POLE3: variants seen among roughly 807,000 people sequenced by gnomAD.
The protein encoded by POLE3 is DNA polymerase epsilon subunit 3.
In POLE3, 10 loss-of-function variants were observed where a neutral mutation model predicts 16.1. The ratio of observed to expected loss-of-function variants is 0.62; its 90% confidence interval spans 0.38 to 1.05. The LOEUF (loss-of-function observed/expected upper bound fraction) is 1.05, where lower values mean the gene tolerates loss of function less well. Among genes scored for constraint, POLE3 ranks in the 50% least tolerant of loss-of-function variants. The pLI, the probability that POLE3 is intolerant of heterozygous loss-of-function variation, is 0.01. For synonymous variants in POLE3, 83 were observed against 71.0 expected (o/e 1.17, Z -0.85); for missense variants, 169 against 185.0 (o/e 0.91, Z 0.50).
Position 113,407,272 on chromosome 9 carries a change from ATCT to A in POLE3, c.*1536_*1538del, listed in dbSNP as rs1370015504. On this transcript the variant is annotated 3_prime_UTR_variant, in exon 5 of 5. Transcript: ENST00000374171. ...ACTTTTATTTGTACAAAGCATTACA[ATCT>A]TCTCAGCATTCTTCACTCACAAACT... 6.6e-6 allele frequency: 1 copy of A among 152,362 alleles called. No individual in the cohort carries two copies. Among genetic ancestry groups the A allele is most frequent in the African/African-American group, 2.4e-5 (1 of 41,444 alleles). The allele number at this position is 152,362 out of a possible 1,614,324, so 9.4% of individuals were successfully genotyped here. A position where few individuals can be genotyped will look rare whatever the true frequency, so the allele number is the denominator to read the frequency against.
In POLE3 at chr9:113,410,100, G is replaced by A; in HGVS notation, c.107C>T (p.Ala36Val). 1 of 1,586,962 alleles carries A rather than the reference G, an allele frequency of 6.3e-7. No individual in the cohort carries two copies. Among genetic ancestry groups the A allele is most frequent in the Non-Finnish European group, 8.6e-7 (1 of 1,167,200 alleles). ...GAAGACGCTGGCGGCGCGGGAGATGGCGCTCCGGGCCTCCTTGGAGATGTT... is the reference window on the plus strand; with the variant it reads ...GAAGACGCTGGCGGCGCGGGAGATGACGCTCCGGGCCTCCTTGGAGATGTT... ...GVNISKEARS[A>V]ISRAASVFVL... Residue 36 changes from alanine to valine, a missense_variant, in exon 3 of 5, where the codon GCC becomes GTC. Coordinates refer to ENST00000374171, the MANE Select transcript of POLE3 (RefSeq NM_017443.5).
At position 113,410,364 on chromosome 9, in the gene POLE3, C is replaced by T; in HGVS notation, c.-71G>A. On this transcript the variant is annotated 5_prime_UTR_variant, in exon 2 of 5. Transcript: ENST00000374171. ...GCTACTGCGTCCGGACTTCCCGCGT[C>T]GCTACGGTCTGACCCTGCGAGGTTT... is the stretch of plus-strand genomic sequence containing the variant. The T allele has an allele frequency of 7.0e-7, 1 of 1,429,316 alleles. No homozygotes were observed. The highest frequency in any genetic ancestry group is 9.7e-7 in the Non-Finnish European group (1 of 1,031,830). The allele number at this position is 1,429,316 out of a possible 1,614,324, so 88.5% of individuals were successfully genotyped here. A position where few individuals can be genotyped will look rare whatever the true frequency, so the allele number is the denominator to read the frequency against.
At chr9:113,409,541 A>T in intron 4 of POLE3, 69 bp downstream of exon 4, 1 of 933,686 alleles carries the variant, frequency 1.1e-6, no homozygotes, top group East Asian at 2.4e-5. Context: ...GAGAAGGCTC[A>T]GGGCCTGGTG....
Position 113,409,626 on chromosome 9 carries a change from C to T in POLE3, c.255G>A (p.Leu85=). ...EMEFQRFVTP[L]KEALEAYRRE... is the part of the protein sequence containing the mutation. ...GCTCGTTACCTTCCAGAGCTTCTTT[C>T]AATGGGGTAACGAACCGCTGGAACT... The change falls in exon 4 of 5, where the codon TTG becomes TTA. Residue 85 remains leucine, a synonymous_variant. Transcript: ENST00000374171. The T allele has an allele frequency of 6.2e-7, 1 of 1,603,708 alleles. No individual in the cohort carries two copies. Among genetic ancestry groups the T allele is most frequent in the Non-Finnish European group, 8.5e-7 (1 of 1,170,632 alleles).
At position 113,410,508 on chromosome 9, in the gene POLE3, A is replaced by C. The variant is rs892318419; in HGVS notation, c.-115-100T>G. 42 of 603,762 alleles carry C rather than the reference A, an allele frequency of 7.0e-5. No homozygotes were observed. The Middle Eastern group carries it at 2.2e-3, about 31-fold the overall frequency. 37.4% of individuals were successfully genotyped at this position (603,762 alleles called of 1,614,324 possible). On this transcript the variant is annotated intron_variant, in intron 1 of 4. Transcript: ENST00000374171. The stretch of plus-strand genomic sequence containing the variant: ...CGGCGCATCCGGATTTTGAAGCCGC[A>C]GTGGTTTTGGCCCGCCAAGGCTTCC...
chr9:113,409,718 AGTT>A lies in POLE3; in HGVS notation c.160_162del (p.Asn54del). The A allele has an allele frequency of 6.2e-7, 1 of 1,606,820 alleles. No homozygotes were observed. Among genetic ancestry groups the A allele is most frequent in the Non-Finnish European group, 8.5e-7 (1 of 1,173,496 alleles). On this transcript the variant is annotated inframe_deletion, in exon 4 of 5. Coordinates refer to ENST00000374171, the MANE Select transcript of POLE3 (RefSeq NM_017443.5). ...GTCTTCCGCTTTCCTTTCATTGCAA[AGTT>A]GTTAGCACTGAGAGAAGAGAAAGGC...
At position 113,409,733 on chromosome 9, in the gene POLE3, G is replaced by A; in HGVS notation, c.153-5C>T. 1 of 1,570,808 alleles carries A rather than the reference G, an allele frequency of 6.4e-7. No homozygotes were observed. Among genetic ancestry groups the A allele is most frequent in the South Asian group, 1.1e-5 (1 of 90,226 alleles). ...TTCATTGCAAAGTTGTTAGCACTGA[G>A]AGAAGAGAAAGGCTGTCAGACTCCC... On this transcript the variant is annotated splice_polypyrimidine_tract_variant and splice_region_variant and intron_variant, in intron 3 of 4. Transcript: ENST00000374171.
In POLE3 at chr9:113,409,652, C is replaced by T; in HGVS notation, c.229G>A (p.Glu77Lys). The T allele has an allele frequency of 6.2e-7, 1 of 1,613,412 alleles. No homozygotes were observed. The highest frequency in any genetic ancestry group is 8.5e-7 in the Non-Finnish European group (1 of 1,179,372). ...SDVLSAMEEMEFQRFVTPLKE... is the reference protein window; with the variant it reads ...SDVLSAMEEMKFQRFVTPLKE... ...AATGGGGTAACGAACCGCTGGAACT[C>T]CATCTCTTCCATGGCTGAGAGCACA... The change falls in exon 4 of 5, where the codon GAG becomes AAG. Residue 77 changes from glutamate (E) to lysine (K), a missense_variant. Physicochemically the swap from Glu to Lys is moderately conservative, Grantham distance 56. Coordinates refer to ENST00000374171, the MANE Select transcript of POLE3 (RefSeq NM_017443.5).
At chr9:113,409,009 G>A (rs751039325) in intron 4 of POLE3, 26 bp from the exon 5 acceptor site, 12 of 1,608,160 alleles carry the variant, frequency 7.5e-6, no homozygotes, top group East Asian at 2.2e-5. Flanking sequence ...AAGGGGTTAG[G>A]AGACAGAGCT....
In POLE3 at chr9:113,408,776, G is replaced by C; in HGVS notation, c.*35C>G. 6.4e-7 allele frequency: 1 copy of C among 1,553,974 alleles called. No individual in the cohort carries two copies. The highest frequency in any genetic ancestry group is 8.9e-7 in the Non-Finnish European group (1 of 1,128,182). On this transcript the variant is annotated 3_prime_UTR_variant, in exon 5 of 5. Coordinates refer to ENST00000374171, the MANE Select transcript of POLE3 (RefSeq NM_017443.5). ...ACACGTAGCACGTCTCATTTCAAGT[G>C]GTACCTTCCAAGGTGCCACAGTCTC...
At position 113,410,262 on chromosome 9, in the gene POLE3, G is replaced by T; in HGVS notation, c.32C>A (p.Pro11His). The T allele has an allele frequency of 1.2e-6, 2 of 1,613,792 alleles. No homozygotes were observed. The highest frequency in any genetic ancestry group is 2.2e-5 in the South Asian group (2 of 91,044). ...GATGATCCTGGTGATCACGGCATTG[G>T]GCAGGTTTAGGTCCTCGGGCCTCTC... MAERPEDLNL[P>H]NAVITRIIKE... Residue 11 changes from proline to histidine, a missense_variant, in exon 2 of 5, where the codon CCC (proline) becomes CAC (histidine). Coordinates refer to ENST00000374171, the MANE Select transcript of POLE3 (RefSeq NM_017443.5).
At position 113,408,018 on chromosome 9, in the gene POLE3, G is replaced by A. The variant is rs1288526340; in HGVS notation, c.*793C>T. The A allele has an allele frequency of 6.5e-6, 1 of 152,704 alleles. No homozygotes were observed. Among genetic ancestry groups the A allele is most frequent in the African/African-American group, 2.4e-5 (1 of 41,464 alleles). 9.5% of individuals were successfully genotyped at this position (152,704 alleles called of 1,614,324 possible). Reference sequence around the variant, plus strand: ...GGAAGCCTGGGGTTTTACACCTTCCGGGAGGTGATGACAAATCCTAAAGCT... The same window carrying A: ...GGAAGCCTGGGGTTTTACACCTTCCAGGAGGTGATGACAAATCCTAAAGCT... On this transcript the variant is annotated 3_prime_UTR_variant, in exon 5 of 5. Coordinates refer to ENST00000374171, the MANE Select transcript of POLE3 (RefSeq NM_017443.5).
chr9:113,409,480 G>A, intron 4 of POLE3, 130 bp downstream of exon 4: 1 of 656,768 alleles, frequency 1.5e-6, no homozygotes. Context: ...CCACCGAACT[G>A]GGTCGAGTCA....
At position 113,408,616 on chromosome 9, in the gene POLE3, C is replaced by T; in HGVS notation, c.*195G>A. The stretch of plus-strand genomic sequence containing the variant: ...TAACCTTCAGATTGATGAAGCAAAA[C>T]AGGATTCTGCTACTCAGATGCTCTG... On this transcript the variant is annotated 3_prime_UTR_variant, in exon 5 of 5. Coordinates refer to ENST00000374171, the MANE Select transcript of POLE3 (RefSeq NM_017443.5). The T allele has an allele frequency of 4.0e-6, 2 of 502,142 alleles. No homozygotes were observed. 31.1% of individuals were successfully genotyped at this position (502,142 alleles called of 1,614,324 possible).
Position 113,408,780 on chromosome 9 carries a change from C to G in POLE3, c.*31G>C. The G allele has an allele frequency of 6.4e-7, 1 of 1,574,534 alleles. No individual in the cohort carries two copies. Among genetic ancestry groups the G allele is most frequent in the South Asian group, 1.1e-5 (1 of 89,546 alleles). ...GTAGCACGTCTCATTTCAAGTGGTA[C>G]CTTCCAAGGTGCCACAGTCTCCCGC... On this transcript the variant is annotated 3_prime_UTR_variant, in exon 5 of 5. Coordinates refer to ENST00000374171, the MANE Select transcript of POLE3 (RefSeq NM_017443.5).
intron 4 of POLE3, among the ~76,000 whole-genome samples, chr9:113,409,359 C>CAA (rs35481754): frequency 4.2e-4 from 38 of 89,430 alleles, no homozygotes; most frequent in Middle Eastern, 5.7e-3. Context: ...GACTCCGTCT[C>CAA]AAAAAAAAAA....
At position 113,410,273 on chromosome 9, in the gene POLE3, G is replaced by C; in HGVS notation, c.21C>G (p.Asp7Glu). 6.2e-7 allele frequency: 1 copy of C among 1,613,654 alleles called. No homozygotes were observed. Among genetic ancestry groups the C allele is most frequent in the Non-Finnish European group, 8.5e-7 (1 of 1,179,958 alleles). Residue 7 changes from aspartate to glutamate, a missense_variant, in exon 2 of 5, where the codon GAC (aspartate) becomes GAG (glutamate). By Grantham distance (45) the Asp-to-Glu change is conservative. Coordinates refer to ENST00000374171, the MANE Select transcript of POLE3 (RefSeq NM_017443.5). ...TGATCACGGCATTGGGCAGGTTTAGGTCCTCGGGCCTCTCCGCCATTGCCG... is the reference window on the plus strand; with the variant it reads ...TGATCACGGCATTGGGCAGGTTTAGCTCCTCGGGCCTCTCCGCCATTGCCG... Reference protein sequence around the residue: MAERPEDLNLPNAVITR... With the variant: MAERPEELNLPNAVITR...
intron 2 of POLE3, 31 bp downstream of exon 2, chr9:113,410,197 C>A (rs1402027379): frequency 1.2e-6 from 2 of 1,611,676 alleles, no homozygotes; most frequent in Non-Finnish European, 1.7e-6. Flanking sequence ...TTCCCTCCTG[C>A]CCGTTCGTCC....
In POLE3 at chr9:113,409,738, G is replaced by A. The variant is rs1564390873; in HGVS notation, c.153-10C>T. 5 of 1,540,128 alleles carry A rather than the reference G, an allele frequency of 3.2e-6. No homozygotes were observed. The highest frequency in any genetic ancestry group is 3.3e-5 in the Admixed American group (2 of 59,930). ...TGCAAAGTTGTTAGCACTGAGAGAA[G>A]AGAAAGGCTGTCAGACTCCCTCTTG... On this transcript the variant is annotated splice_polypyrimidine_tract_variant and intron_variant, in intron 3 of 4. Transcript: ENST00000374171.
Sources: gnomAD v4.1 joint callset for allele counts (sites outside exome capture counted in the v4.1 genomes callset) on GRCh38, gnomAD v4.1.1 for gene constraint, MANE v1.5 for transcripts, NCBI Gene and HGNC (gene_info 2026-07-23, HGNC 2026-07-21) for gene names.